Variants in PEX5L observed in about 807,000 individuals in gnomAD.
The protein encoded by PEX5L is PEX5-related protein.
A neutral mutation model predicts 84.0 loss-of-function variants in PEX5L; 30 were observed. The observed-to-expected ratio is 0.36, with a 90% confidence interval of 0.27 to 0.48. The LOEUF (loss-of-function observed/expected upper bound fraction) is 0.48. Among genes scored for constraint, PEX5L ranks in the 20% least tolerant of loss-of-function variants. The pLI, the probability that PEX5L is intolerant of heterozygous loss-of-function variation, is 0.99. For synonymous variants in PEX5L, 270 were observed against 283.1 expected (o/e 0.95, Z 0.46); for missense variants, 533 against 754.6 (o/e 0.71, Z 3.44).
intron 1 of PEX5L, among the ~76,000 whole-genome samples, chr3:180,020,071 A>G (rs1464599951): frequency 6.6e-6 from 1 of 152,132 alleles, no homozygotes; most frequent in Non-Finnish European, 1.5e-5. Context: ...TTAACATCTC[A>G]TCGAAAATTT....
At chr3:179,946,006 C>T (rs1188363661) in intron 2 of PEX5L, among the ~76,000 whole-genome samples, 1 of 148,388 alleles carries the variant, frequency 6.7e-6, no homozygotes, top group African/African-American at 2.5e-5. Flanking sequence ...TGTTGATCTG[C>T]AGTACTGAAA....
chr3:179,841,038 A>G (rs1021265058), intron 8 of PEX5L, among the ~76,000 whole-genome samples: 1 of 152,122 alleles, frequency 6.6e-6, no homozygotes, highest in Admixed American at 6.6e-5. Context: ...AAGTAGATGG[A>G]AAAGAGATAC....
chr3:179,815,042 C>T (rs913931270), intron 10 of PEX5L, among the ~76,000 whole-genome samples: 1 of 152,208 alleles, frequency 6.6e-6, no homozygotes, highest in African/African-American at 2.4e-5. Flanking sequence ...CCTGTGCACA[C>T]TCTGACATTG....
chr3:179,916,066 G>A (rs2109306798), intron 2 of PEX5L, among the ~76,000 whole-genome samples: 1 of 152,318 alleles, frequency 6.6e-6, no homozygotes, highest in Non-Finnish European at 1.5e-5. Context: ...AGTAATGGTA[G>A]TAGTAATAAT....
chr3:179,855,441 T>A (rs1002156540), intron 8 of PEX5L, among the ~76,000 whole-genome samples: 1 of 152,184 alleles, frequency 6.6e-6, no homozygotes, highest in African/African-American at 2.4e-5. Context: ...CACTGTAGTG[T>A]CCATGACTTA....
intron 1 of PEX5L, among the ~76,000 whole-genome samples, chr3:180,028,187 T>G (rs1228581102): frequency 2.0e-5 from 3 of 152,178 alleles, no homozygotes; most frequent in Non-Finnish European, 4.4e-5. Flanking sequence ...CTTATTTGAG[T>G]CACTTTTTAC....
chr3:179,800,434 A>G lies in PEX5L; in HGVS notation c.*1394T>C, dbSNP rs1177984765. On this transcript the variant is annotated 3_prime_UTR_variant, in exon 15 of 15. Transcript: ENST00000467460. ...GATAACTTCTATACCTGACATTGGG[A>G]AAATTATATTCTGATTAGCATTTTG... 6.6e-6 allele frequency: 1 copy of G among 152,240 alleles called. No individual in the cohort carries two copies. The highest frequency in any genetic ancestry group is 2.4e-5 in the African/African-American group (1 of 41,454). 9.4% of individuals were successfully genotyped at this position (152,240 alleles called of 1,614,324 possible).
Position 179,801,825 on chromosome 3 carries a change from T to C in PEX5L, c.*3A>G. On this transcript the variant is annotated 3_prime_UTR_variant, in exon 15 of 15. Transcript: ENST00000467460. ...GATTATTAGTACTGGTATTATTCTTTCTTCAAGGATCCAAGTTGAAAGCTC... is the reference window on the plus strand; with the variant it reads ...GATTATTAGTACTGGTATTATTCTTCCTTCAAGGATCCAAGTTGAAAGCTC... 6.3e-7 allele frequency: 1 copy of C among 1,578,380 alleles called. No homozygotes were observed. The highest frequency in any genetic ancestry group is 1.1e-5 in the South Asian group (1 of 90,434).
At chr3:180,005,503 T>C (rs111936816) in intron 1 of PEX5L, among the ~76,000 whole-genome samples, 25,599 of 152,050 alleles carry the variant, frequency 0.17, 2,971 homozygotes, top group African/African-American at 0.33. Context: ...CCAAGGCGGG[T>C]GGATCACGAG....
chr3:179,968,400 C>A (rs552744390), intron 2 of PEX5L, among the ~76,000 whole-genome samples: 2 of 152,118 alleles, frequency 1.3e-5, no homozygotes, highest in African/African-American at 4.8e-5. Flanking sequence ...GTACATGAAA[C>A]CTAAACAAGA....
At chr3:179,922,959 T>C (rs1488942727) in intron 2 of PEX5L, among the ~76,000 whole-genome samples, 4 of 152,150 alleles carry the variant, frequency 2.6e-5, no homozygotes, top group Non-Finnish European at 5.9e-5. Context: ...ATATTTTGGA[T>C]ATTTGCTTTA....
chr3:179,882,835 C>G (rs1172590161), intron 4 of PEX5L, among the ~76,000 whole-genome samples: 1 of 151,986 alleles, frequency 6.6e-6, no homozygotes, highest in Non-Finnish European at 1.5e-5. Context: ...GTTTGTAATC[C>G]CAGTGCTTTG....
chr3:179,949,247 CTTA>C (rs1249056848), intron 2 of PEX5L, among the ~76,000 whole-genome samples: 2 of 152,116 alleles, frequency 1.3e-5, no homozygotes, highest in African/African-American at 4.8e-5. Context: ...TTAAAAACCA[CTTA>C]TTATTCCAGC....
In PEX5L at chr3:179,797,524, C is replaced by G. The variant is rs557134692; in HGVS notation, c.*4304G>C. 1.4e-5 allele frequency: 2 copies of G among 146,618 alleles called. No individual in the cohort carries two copies. Among genetic ancestry groups the G allele is most frequent in the Non-Finnish European group, 3.0e-5 (2 of 67,250 alleles). 9.1% of individuals were successfully genotyped at this position (146,618 alleles called of 1,614,324 possible). A position where few individuals can be genotyped will look rare whatever the true frequency, so the allele number is the denominator to read the frequency against. ...CAATATTTTTGTACCTGAGGTTATACGTTTTGCTTTTAAAAAATTGCTTTT... is the reference window on the plus strand; with the variant it reads ...CAATATTTTTGTACCTGAGGTTATAGGTTTTGCTTTTAAAAAATTGCTTTT... On this transcript the variant is annotated 3_prime_UTR_variant, in exon 15 of 15. Coordinates refer to ENST00000467460, the MANE Select transcript of PEX5L (RefSeq NM_016559.3).
chr3:179,977,105 G>A (rs930278129), intron 1 of PEX5L, among the ~76,000 whole-genome samples: 12 of 152,186 alleles, frequency 7.9e-5, no homozygotes, highest in Non-Finnish European at 7.3e-5. Flanking sequence ...GGTTGTGCAT[G>A]ATCTATGCTT....
At chr3:179,832,784 C>T (rs1733634148) in intron 8 of PEX5L, among the ~76,000 whole-genome samples, 1 of 151,562 alleles carries the variant, frequency 6.6e-6, no homozygotes, top group Admixed American at 6.6e-5. Context: ...ACTTACCCGC[C>T]CATCTACTCA....
rs181115275 is a variant in PEX5L, at chr3:179,887,458, C to T, written c.310+215G>A. ...ATATACATGAAAACATGATTCATTG[C>T]TAATAGTGGTATACTTATGTTCTGC... On this transcript the variant is annotated intron_variant, in intron 4 of 14. Coordinates refer to ENST00000467460, the MANE Select transcript of PEX5L (RefSeq NM_016559.3). Among the ~76,000 whole-genome samples the T allele has an allele frequency of 1.1e-4, 17 of 152,248 alleles. No individual in the cohort carries two copies. The East Asian group carries it at 2.9e-3, about 26-fold the overall frequency.
intron 8 of PEX5L, among the ~76,000 whole-genome samples, chr3:179,821,591 C>G (rs1728544279): frequency 1.3e-5 from 2 of 152,350 alleles, no homozygotes; most frequent in Non-Finnish European, 2.9e-5. Flanking sequence ...ATTCTCATTC[C>G]TCTCACAGAA....
At chr3:179,802,461 G>A (rs1480799941) in intron 14 of PEX5L, among the ~76,000 whole-genome samples, 1 of 146,280 alleles carries the variant, frequency 6.8e-6, no homozygotes, top group Non-Finnish European at 1.5e-5. Flanking sequence ...CTTGAACCCA[G>A]GAGACAGAGG....
Sources: gnomAD v4.1 joint callset for allele counts (sites outside exome capture counted in the v4.1 genomes callset) on GRCh38, gnomAD v4.1.1 for gene constraint, MANE v1.5 for transcripts, NCBI Gene and HGNC (gene_info 2026-07-23, HGNC 2026-07-21) for gene names.